The following GRID2 variants were observed in gnomAD, a reference collection of about 807,000 sequenced individuals.
GRID2 encodes the protein glutamate receptor ionotropic, delta-2.
GRID2 carries 33 observed loss-of-function variants against 114.8 expected under a neutral mutation model. The observed-to-expected ratio is 0.29, with a 90% CI of 0.22 to 0.38. GRID2 has a LOEUF of 0.38. Ranked by LOEUF, GRID2 falls within the 10% of genes least tolerant of loss-of-function variation. The probability of loss-of-function intolerance (pLI) is 1.00; values close to 1 mark genes in which losing one functional copy is unlikely to be tolerated. For missense variants in GRID2, 1,184 were observed against 1,257.7 expected (o/e 0.94, Z 0.89); for synonymous variants, 505 against 449.9 (o/e 1.12, Z -1.55).
At chr4:93,131,517 A>C (rs568325232) in intron 4 of GRID2, among the ~76,000 whole-genome samples, 2 of 151,914 alleles carry the variant, frequency 1.3e-5, no homozygotes, top group Non-Finnish European at 2.9e-5. Context: ...GGAGGTTAAA[A>C]TAACTAGTAA....
At chr4:92,488,671 G>T (rs1036723886) in intron 1 of GRID2, among the ~76,000 whole-genome samples, 2 of 152,124 alleles carry the variant, frequency 1.3e-5, no homozygotes, top group African/African-American at 2.4e-5. Flanking sequence ...TTTAATCAAA[G>T]AAATGTTAAT....
chr4:92,914,534 A>C (rs1352694483), intron 2 of GRID2, among the ~76,000 whole-genome samples: 2 of 151,954 alleles, frequency 1.3e-5, no homozygotes, highest in Non-Finnish European at 2.9e-5. Context: ...AAGCCTAGTA[A>C]TCATTAGTTA....
intron 1 of GRID2, among the ~76,000 whole-genome samples, chr4:92,389,292 G>T (rs1414605300): frequency 1.3e-5 from 2 of 151,994 alleles, no homozygotes; most frequent in Non-Finnish European, 2.9e-5. Context: ...CAGAGATGTG[G>T]AAAGGGACAG....
intron 2 of GRID2, among the ~76,000 whole-genome samples, chr4:92,677,621 G>T (rs1364129727): frequency 6.6e-6 from 1 of 151,944 alleles, no homozygotes. Flanking sequence ...CGTCTCAGTG[G>T]GTGACAACTC....
intron 8 of GRID2, among the ~76,000 whole-genome samples, chr4:93,325,544 T>C (rs1329960420): frequency 6.6e-6 from 1 of 151,962 alleles, no homozygotes; most frequent in East Asian, 1.9e-4. Context: ...TATAGATTAT[T>C]AATTTTCTAT....
intron 11 of GRID2, among the ~76,000 whole-genome samples, chr4:93,463,602 T>G (rs926211700): frequency 6.6e-6 from 1 of 152,204 alleles, no homozygotes; most frequent in East Asian, 1.9e-4. Flanking sequence ...ATTTTAGTAT[T>G]TAACAAAAGA....
chr4:92,522,343 G>T (rs566521681), intron 1 of GRID2, among the ~76,000 whole-genome samples: 1 of 152,078 alleles, frequency 6.6e-6, no homozygotes, highest in Admixed American at 6.6e-5. Context: ...CAGTACAAAA[G>T]ATGAACAGAG....
intron 2 of GRID2, among the ~76,000 whole-genome samples, 192 bp from the exon 3 acceptor site, chr4:93,084,803 A>T (rs1362906006): frequency 6.6e-6 from 1 of 152,236 alleles, no homozygotes; most frequent in African/African-American, 2.4e-5. Context: ...TCGCATAGAT[A>T]ATAAGAGCAG....
intron 8 of GRID2, among the ~76,000 whole-genome samples, chr4:93,273,883 C>A (rs1267587000): frequency 6.6e-6 from 1 of 152,166 alleles, no homozygotes; most frequent in Non-Finnish European, 1.5e-5. Flanking sequence ...TTTTCCTTTT[C>A]ATTCCCAAAG....
intron 2 of GRID2, among the ~76,000 whole-genome samples, chr4:92,845,509 C>T (rs1359264330): frequency 6.6e-6 from 1 of 152,032 alleles, no homozygotes; most frequent in East Asian, 1.9e-4. Context: ...TCCTTTTGGA[C>T]ATGTAGATGG....
At chr4:92,975,205 TTATATATGTGCA>T (rs1430442719) in intron 2 of GRID2, among the ~76,000 whole-genome samples, 1 of 144,590 alleles carries the variant, frequency 6.9e-6, no homozygotes, top group African/African-American at 2.6e-5. Flanking sequence ...AGCTTATTAT[TTATATATGTGCA>T]TATATATAAT....
chr4:93,034,289 T>A (rs1362858471), intron 2 of GRID2, among the ~76,000 whole-genome samples: 2 of 152,116 alleles, frequency 1.3e-5, no homozygotes, highest in Non-Finnish European at 2.9e-5. Context: ...AAGGCAATAA[T>A]GTGGGCAAGG....
Position 92,549,253 on chromosome 4 carries a change from C to T in GRID2, c.89-40878C>T, listed in dbSNP as rs143936641. ...AAATATTTGTTGGATGTAATTTATA[C>T]GGTACCTACTGAAAATGAGGAAACT... On this transcript the variant is annotated intron_variant, in intron 1 of 15. Transcript: ENST00000282020. Among the ~76,000 whole-genome samples, 36 of 151,992 alleles carry T rather than the reference C, an allele frequency of 2.4e-4. 1 individual carries two copies. In the East Asian group the frequency reaches 3.5e-3, roughly 15 times the overall value.
At chr4:93,510,722 CA>C (rs893287939) in intron 12 of GRID2, among the ~76,000 whole-genome samples, 2 of 151,594 alleles carry the variant, frequency 1.3e-5, no homozygotes, top group African/African-American at 2.4e-5. Context: ...AAAAATTCCA[CA>C]AAAAAATACC....
chr4:93,131,145 A>ATTTTTTTTTTTTTTTTTTTTTTTTTTTT (rs34215461), intron 4 of GRID2, among the ~76,000 whole-genome samples: 4 of 88,754 alleles, frequency 4.5e-5, no homozygotes, highest in Non-Finnish European at 6.1e-5. Flanking sequence ...AGATTAAATA[A>ATTTTTTTTTTTTTTTTTTTTTTTTTTTT]TTTTTTTTTT....
intron 2 of GRID2, chr4:92,838,957 C>A (rs1742672753): frequency 6.6e-6 from 1 of 151,870 alleles, no homozygotes; most frequent in African/African-American, 2.4e-5. Context: ...CTATAGTTGC[C>A]ACGAGCAACA....
chr4:93,220,600 A>T (rs894244120), intron 6 of GRID2, among the ~76,000 whole-genome samples: 1 of 152,210 alleles, frequency 6.6e-6, no homozygotes, highest in Non-Finnish European at 1.5e-5. Context: ...TAAATAAATC[A>T]ATCAAATCTT....
intron 1 of GRID2, among the ~76,000 whole-genome samples, chr4:92,543,915 A>G (rs1356264387): frequency 1.3e-5 from 2 of 152,202 alleles, no homozygotes; most frequent in Non-Finnish European, 2.9e-5. Flanking sequence ...GAGTTTTACC[A>G]GTGGTGTGAG....
intron 8 of GRID2, among the ~76,000 whole-genome samples, chr4:93,299,282 A>G (rs1754617959): frequency 6.6e-6 from 1 of 152,140 alleles, no homozygotes; most frequent in Non-Finnish European, 1.5e-5. Context: ...GTATCTACAT[A>G]TAAATGCAGT....
Sources: gnomAD v4.1 joint callset for allele counts (sites outside exome capture counted in the v4.1 genomes callset) on GRCh38, gnomAD v4.1.1 for gene constraint, MANE v1.5 for transcripts, NCBI Gene and HGNC (gene_info 2026-07-23, HGNC 2026-07-21) for gene names.